The following NOS2 variants were observed in gnomAD, a reference collection of about 807,000 sequenced individuals.
NOS2 encodes the protein nitric oxide synthase 2.
NOS2 carries 96 observed loss-of-function variants against 136.0 expected under a neutral mutation model. The ratio of observed to expected loss-of-function variants is 0.71; its 90% CI spans 0.60 to 0.84. The LOEUF is 0.84. Ranked by LOEUF, NOS2 falls within the 40% of genes least tolerant of loss-of-function variation. The pLI, the probability that NOS2 is intolerant of heterozygous loss-of-function variation, is 0.00. For missense variants in NOS2, 1,237 were observed against 1,496.9 expected, an observed-to-expected ratio of 0.83 and a Z score of 2.87; for synonymous variants, 539 against 587.5, an observed-to-expected ratio of 0.92 and a Z score of 1.20.
rs370096154 is a variant in NOS2 at position 27,798,814 on chromosome 17, A to G, written c.-5T>C. 4 of 1,574,178 alleles carry G rather than the reference A, an allele frequency of 2.5e-6. No individual in the cohort carries two copies. The highest frequency in any genetic ancestry group is 3.5e-6 in the Non-Finnish European group (4 of 1,143,548). On this transcript the variant is annotated 5_prime_UTR_variant, in exon 2 of 27. Coordinates refer to ENST00000313735, the MANE Select transcript of NOS2 (RefSeq NM_000625.4). The stretch of plus-strand genomic sequence containing the variant: ...AAATTTCCAAGGACAGGCCATCTCT[A>G]TGGCTTTACAAAGCAGGTCACTTAT...
At position 27,787,701 on chromosome 17, in the gene NOS2, GT is replaced by G; in HGVS notation, c.443del (p.Asn148ThrfsTer12). On this transcript the variant is annotated frameshift_variant, in exon 5 of 27. Coordinates refer to ENST00000313735, the MANE Select transcript of NOS2 (RefSeq NM_000625.4). LOFTEE classifies it high-confidence loss of function. ...ELLPQAIEFV[N>X]QYYGSFKEAK... is the part of the protein sequence containing the mutation. Reference sequence around the variant, plus strand: ...ACTCTTTGAAGGAGCCGTAATATTGGTTGACAAATTCGATAGCTTGAGGTAG... The same window carrying G: ...ACTCTTTGAAGGAGCCGTAATATTGGTGACAAATTCGATAGCTTGAGGTAG... 6.2e-7 allele frequency: 1 copy of G among 1,613,394 alleles called. No homozygotes were observed. Among genetic ancestry groups the G allele is most frequent in the African/African-American group, 1.3e-5 (1 of 75,046 alleles).
rs1182163343 is a variant in NOS2, at chr17:27,774,267, T to C, written c.1466A>G (p.Tyr489Cys). Residue 489 changes from tyrosine (Y) to cysteine (C), a missense_variant, in exon 12 of 27, where the codon TAC (tyrosine) becomes TGC (cysteine). Around this residue, in one of 3 missense-constraint regions of NOS2, gnomAD observed 782 missense variants for 909.9 expected, o/e 0.86. Transcript: ENST00000313735. ...AGGAAGGCCCCTAACCTGATAGTAG[T>C]AGAAAGGGGACAGGACGTAGTTCAG... ...EMLNYVLSPF[Y>C]YYQVEAWKTH... 6.7e-7 allele frequency: 1 copy of C among 1,500,464 alleles called. No homozygotes were observed. The highest frequency in any genetic ancestry group is 8.9e-7 in the Non-Finnish European group (1 of 1,123,764). 92.9% of individuals were successfully genotyped at this position (1,500,464 alleles called of 1,614,324 possible).
rs186549885 is a variant in NOS2 at position 27,798,844 on chromosome 17, C to T, written c.-35G>A. The T allele has an allele frequency of 2.3e-6, 3 of 1,313,000 alleles. No individual in the cohort carries two copies. The highest frequency in any genetic ancestry group is 2.3e-5 in the East Asian group (1 of 43,516). 81.3% of individuals were successfully genotyped at this position (1,313,000 alleles called of 1,614,324 possible). A position where few individuals can be genotyped will look rare whatever the true frequency, so the allele number is the denominator to read the frequency against. On this transcript the variant is annotated 5_prime_UTR_variant, in exon 2 of 27. In the 5' UTR this introduces an upstream ATG that the reference lacks. Coordinates refer to ENST00000313735, the MANE Select transcript of NOS2 (RefSeq NM_000625.4). ...TTTACAAAGCAGGTCACTTATGTCA[C>T]TTATCTGGATTTGAGCTCAGATGTT...
At chr17:27,779,315 A>G (rs904052006) in intron 9 of NOS2, among the ~76,000 whole-genome samples, 4 of 145,946 alleles carry the variant, frequency 2.7e-5, no homozygotes, top group African/African-American at 1.0e-4. Flanking sequence ...TATTATTATT[A>G]TTATTATTAT....
rs528055051 is a variant in NOS2 at position 27,763,244 on chromosome 17, A to G, written c.2593-239T>C. On this transcript the variant is annotated intron_variant, in intron 21 of 26. Coordinates refer to ENST00000313735, the MANE Select transcript of NOS2 (RefSeq NM_000625.4). ...CCTCCACTGTCGGCAACTCATGGGC[A>G]GGGGTCAAATCTTTATTGTAATTTA... Among the ~76,000 whole-genome samples, 12 of 152,316 alleles carry G rather than the reference A, an allele frequency of 7.9e-5. No homozygotes were observed. In the East Asian group the frequency reaches 1.7e-3, roughly 22 times the overall value.
At chr17:27,760,503 G>T in intron 24 of NOS2, 120 bp downstream of exon 24, 1 of 1,374,306 alleles carries the variant, frequency 7.3e-7, no homozygotes, top group East Asian at 2.5e-5. Context: ...GCACAGGGAA[G>T]CAAACTTGGG....
At chr17:27,783,989 G>A (rs1410453402) in intron 5 of NOS2, among the ~76,000 whole-genome samples, 1 of 152,192 alleles carries the variant, frequency 6.6e-6, no homozygotes, top group Non-Finnish European at 1.5e-5. Context: ...CCACGTCATA[G>A]TCTCTCTAAA....
intron 26 of NOS2, among the ~76,000 whole-genome samples, chr17:27,758,315 C>A (rs771517850): frequency 1.3e-5 from 2 of 152,168 alleles, no homozygotes; most frequent in Non-Finnish European, 2.9e-5. Context: ...GCCCCCTTCC[C>A]TCTGTAAAAG....
chr17:27,778,898 C>T lies in NOS2; in HGVS notation c.1163G>A (p.Arg388His), dbSNP rs531261536. The T allele has an allele frequency of 3.7e-6, 6 of 1,608,374 alleles. No homozygotes were observed. The highest frequency in any genetic ancestry group is 2.2e-5 in the South Asian group (2 of 90,712). Reference sequence around the variant, plus strand: ...CTGGGTTACCTCCAGGATGTTGTAGCGCTGGACGTCACAGAAGTCCCGGAC... The same window carrying T: ...CTGGGTTACCTCCAGGATGTTGTAGTGCTGGACGTCACAGAAGTCCCGGAC... The part of the protein sequence containing the change: ...IGVRDFCDVQ[R>H]YNILEEVGRR... The change falls in exon 10 of 27, where the codon CGC (arginine) becomes CAC (histidine). Residue 388 changes from arginine (R) to histidine (H), a missense_variant. Transcript: ENST00000313735.
intron 2 of NOS2, among the ~76,000 whole-genome samples, chr17:27,791,798 A>ATATATATATATATAT (rs1567643098): frequency 2.7e-5 from 4 of 150,788 alleles, no homozygotes; most frequent in African/African-American, 7.3e-5. Context: ...AAAACAAAAC[A>ATATATATATATATAT]AAACAAAAAT....
intron 5 of NOS2, among the ~76,000 whole-genome samples, chr17:27,786,941 T>C (rs533620261): frequency 2.6e-4 from 40 of 152,348 alleles, no homozygotes; most frequent in African/African-American, 9.6e-4. Context: ...GGCTGAGGCA[T>C]ACTCAGTGCC....
chr17:27,798,935 G>T, intron 1 of NOS2, 53 bp from the exon 2 acceptor site: 1 of 669,672 alleles, frequency 1.5e-6, no homozygotes. Flanking sequence ...TTACAGAACA[G>T]GGCTTCTCAG....
chr17:27,781,613 AC>A (rs1908851215), intron 7 of NOS2, among the ~76,000 whole-genome samples: 1 of 152,212 alleles, frequency 6.6e-6, no homozygotes, highest in African/African-American at 2.4e-5. Context: ...TGTTTGCTGA[AC>A]AAAAAGATGA....
chr17:27,787,759 G>C lies in NOS2; in HGVS notation c.386C>G (p.Pro129Arg). Residue 129 changes from proline (P) to arginine (R), a missense_variant, in exon 5 of 27, where the codon CCC (proline) becomes CGC (arginine). Coordinates refer to ENST00000313735, the MANE Select transcript of NOS2 (RefSeq NM_000625.4). The part of the protein sequence containing the change: ...IMTPKSLTRG[P>R]RDKPTPPDEL... Reference sequence around the variant, plus strand: ...ATCTGGAGGGGTAGGCTTGTCCCTGGGTCCTCTGGTCAAACTTTTGGGAGT... The same window carrying C: ...ATCTGGAGGGGTAGGCTTGTCCCTGCGTCCTCTGGTCAAACTTTTGGGAGT... The C allele has an allele frequency of 6.2e-7, 1 of 1,613,632 alleles. No individual in the cohort carries two copies. Among genetic ancestry groups the C allele is most frequent in the South Asian group, 1.1e-5 (1 of 90,958 alleles).
chr17:27,766,378 A>C, intron 19 of NOS2, 132 bp downstream of exon 19: 7 of 833,160 alleles, frequency 8.4e-6, no homozygotes, highest in Non-Finnish European at 1.4e-5. Flanking sequence ...GGCCGGTCCT[A>C]CCGACAGTGT....
At chr17:27,774,775 G>T (rs1169630693) in intron 11 of NOS2, among the ~76,000 whole-genome samples, 1 of 152,200 alleles carries the variant, frequency 6.6e-6, no homozygotes, top group African/African-American at 2.4e-5. Flanking sequence ...GCTCTCTCTG[G>T]ATCTGCATAA....
Position 27,788,855 on chromosome 17 carries a change from C to T in NOS2, c.272G>A (p.Gly91Asp), listed in dbSNP as rs763296239. 9.3e-6 allele frequency: 15 copies of T among 1,614,168 alleles called. No individual in the cohort carries two copies. The South Asian group carries it at 1.2e-4, about 13-fold the overall frequency. ...SPRHVRIKNW[G>D]SGMTFQDTLH... is the part of the protein sequence containing the mutation. ...TGTGTCTTGGAAAGTCATCCCGCTGCCCCAGTTTTTGATCCTCACATGCCG... is the reference window on the plus strand; with the variant it reads ...TGTGTCTTGGAAAGTCATCCCGCTGTCCCAGTTTTTGATCCTCACATGCCG... Residue 91 changes from glycine (G) to aspartate (D), a missense_variant, in exon 4 of 27, where the codon GGC (glycine) becomes GAC (aspartate). Gly to Asp is a moderately conservative substitution (Grantham distance 94). Transcript: ENST00000313735.
At chr17:27,789,822 C>T (rs8072199) in intron 2 of NOS2, 134 bp from the exon 3 acceptor site, 229,231 of 626,992 alleles carry the variant, frequency 0.37, 46,985 homozygotes, top group Non-Finnish European at 0.45. Context: ...TGTTCATGGT[C>T]GGTCTGACCA....
At chr17:27,775,825 C>A (rs1908641653) in intron 11 of NOS2, among the ~76,000 whole-genome samples, 1 of 152,126 alleles carries the variant, frequency 6.6e-6, no homozygotes, top group Non-Finnish European at 1.5e-5. Flanking sequence ...TGAAAGGATG[C>A]AATAAGCTGG....
Sources: allele counts gnomAD v4.1 joint callset (sites outside exome capture counted in the v4.1 genomes callset), GRCh38; gene constraint gnomAD v4.1.1; regional missense constraint gnomAD v4.1.1; transcripts MANE v1.5; gene names NCBI Gene and HGNC (gene_info 2026-07-23, HGNC 2026-07-21).